UBE2Z: variants seen among roughly 807,000 people sequenced by gnomAD.
The protein encoded by UBE2Z is ubiquitin-conjugating enzyme E2 Z.
UBE2Z carries 10 observed loss-of-function variants against 32.6 expected under a neutral mutation model. The ratio of observed to expected loss-of-function variants is 0.31; its 90% CI spans 0.19 to 0.52. UBE2Z has a LOEUF of 0.52. UBE2Z is among the 20% of genes least tolerant of loss of function. UBE2Z has a pLI of 0.97. For missense variants in UBE2Z, 343 were observed against 480.9 expected, an observed-to-expected ratio of 0.71 and a Z score of 2.68; for synonymous variants, 183 against 190.8, an observed-to-expected ratio of 0.96 and a Z score of 0.34.
chr17:48,913,417 C>T (rs145746119), intron 3 of UBE2Z, among the ~76,000 whole-genome samples: 11 of 152,252 alleles, frequency 7.2e-5, no homozygotes, highest in African/African-American at 2.6e-4. Flanking sequence ...TGCAGTGGCA[C>T]GATCTTGGCT....
In UBE2Z at chr17:48,916,142, C is replaced by A; in HGVS notation, c.645C>A (p.Ser215=). 3 of 1,585,968 alleles carry A rather than the reference C, an allele frequency of 1.9e-6. No individual in the cohort carries two copies. Among genetic ancestry groups the A allele is most frequent in the Non-Finnish European group, 2.6e-6 (3 of 1,168,290 alleles). ...CCTCAGTGCTCATCTCTATCCAGTC[C>A]CTGATGACTGAGAACCCCTATCACA... ...SISSVLISIQ[S]LMTENPYHNE... is the part of the protein sequence containing the mutation. The change falls in exon 4 of 7, where the codon TCC becomes TCA. Residue 215 remains serine (S), a synonymous_variant. Coordinates refer to ENST00000360943, the MANE Select transcript of UBE2Z (RefSeq NM_023079.5).
chr17:48,923,053 G>T, intron 6 of UBE2Z, 116 bp downstream of exon 6: 2 of 934,244 alleles, frequency 2.1e-6, no homozygotes, highest in Non-Finnish European at 3.1e-6. Flanking sequence ...TGGGTTCAGT[G>T]GCTCATGCCT....
chr17:48,918,248 A>ATT (rs1477085608), intron 4 of UBE2Z, among the ~76,000 whole-genome samples: 1 of 152,012 alleles, frequency 6.6e-6, no homozygotes, highest in East Asian at 1.9e-4. Flanking sequence ...AACTTAATTT[A>ATT]TTTTTAAACT....
intron 1 of UBE2Z, among the ~76,000 whole-genome samples, chr17:48,909,210 G>T (rs1431028460): frequency 7.2e-6 from 1 of 138,046 alleles, no homozygotes; most frequent in East Asian, 2.2e-4. Flanking sequence ...AACCTTGCTA[G>T]ATGCTGCCCG....
At chr17:48,914,509 C>T (rs1239365955) in intron 3 of UBE2Z, among the ~76,000 whole-genome samples, 1 of 152,170 alleles carries the variant, frequency 6.6e-6, no homozygotes, top group Non-Finnish European at 1.5e-5. Flanking sequence ...ATTGTCTTTG[C>T]TGGTAGGCTA....
At chr17:48,909,659 C>T (rs1419075189) in intron 1 of UBE2Z, among the ~76,000 whole-genome samples, 1 of 151,168 alleles carries the variant, frequency 6.6e-6, no homozygotes, top group Non-Finnish European at 1.5e-5. Context: ...GGTGACTGAT[C>T]TTAGATCCTA....
rs375930852 is a variant in UBE2Z at position 48,910,900 on chromosome 17, T to C, written c.390+20T>C. On this transcript the variant is annotated intron_variant, in intron 2 of 6. Transcript: ENST00000360943. Reference sequence around the variant, plus strand: ...ACTAAGGTATGTAACTTGATGGGGGTTTGGGGGGTTTTGGGAAATTGGGGG... The same window carrying C: ...ACTAAGGTATGTAACTTGATGGGGGCTTGGGGGGTTTTGGGAAATTGGGGG... 42 of 1,596,204 alleles carry C rather than the reference T, an allele frequency of 2.6e-5. No individual in the cohort carries two copies. In the African/African-American group the frequency reaches 5.4e-4, roughly 21 times the overall value.
At position 48,925,009 on chromosome 17, in the gene UBE2Z, G is replaced by A. The variant is rs551332263; in HGVS notation, c.895-1955G>A. ...AAATGGGATACTCGTGGGGCCTGGC[G>A]CAATGGCTCATGCCTGTGATCCCAG... On this transcript the variant is annotated intron_variant, in intron 6 of 6. Coordinates refer to ENST00000360943, the MANE Select transcript of UBE2Z (RefSeq NM_023079.5). Among the ~76,000 whole-genome samples the A allele has an allele frequency of 2.2e-4, 34 of 151,822 alleles. No homozygotes were observed. The East Asian group carries it at 2.7e-3, about 12-fold the overall frequency.
chr17:48,908,532 C>A lies in UBE2Z; in HGVS notation c.29C>A (p.Ala10Glu). The part of the protein sequence containing the change: MAESPTEEA[A>E]TAGAGAAGPG... ...GCGGAGAGTCCGACTGAGGAGGCGG[C>A]AACGGCGGGCGCCGGGGCGGCGGGC... is the stretch of plus-strand genomic sequence containing the variant. Residue 10 changes from alanine (A) to glutamate (E), a missense_variant, in exon 1 of 7, where the codon GCA (alanine) becomes GAA (glutamate). This residue lies in a region of UBE2Z where 103 missense variants were observed against 96.2 expected (regional missense o/e 1.07). Transcript: ENST00000360943. 1 of 1,235,774 alleles carries A rather than the reference C, an allele frequency of 8.1e-7. No individual in the cohort carries two copies. The allele number at this position is 1,235,774 out of a possible 1,614,324, so 76.6% of individuals were successfully genotyped here. A position where few individuals can be genotyped will look rare whatever the true frequency, so the allele number is the denominator to read the frequency against.
At chr17:48,913,079 A>G in intron 3 of UBE2Z, 58 bp downstream of exon 3, 3 of 1,548,958 alleles carry the variant, frequency 1.9e-6, no homozygotes, top group African/African-American at 1.4e-5. Flanking sequence ...ACTCTAGGTC[A>G]GCCTTTATCA....
chr17:48,919,844 G>T (rs980068000), intron 4 of UBE2Z, among the ~76,000 whole-genome samples: 1 of 152,082 alleles, frequency 6.6e-6, no homozygotes, highest in African/African-American at 2.4e-5. Context: ...CAGGTAAAGG[G>T]GTTAACCAGG....
Position 48,910,689 on chromosome 17 carries a change from C to T in UBE2Z, c.318-119C>T, listed in dbSNP as rs552327740. The T allele has an allele frequency of 1.7e-4, 134 of 790,170 alleles. 1 individual carries two copies. The highest frequency in any genetic ancestry group is 9.7e-4 in the South Asian group (67 of 68,980). 48.9% of individuals were successfully genotyped at this position (790,170 alleles called of 1,614,324 possible). On this transcript the variant is annotated intron_variant, in intron 1 of 6. Coordinates refer to ENST00000360943, the MANE Select transcript of UBE2Z (RefSeq NM_023079.5). The stretch of plus-strand genomic sequence containing the variant: ...AAGACAGTACAAACACTTGCGGTAC[C>T]AAGCACCACTTTCTCAAACCCTGGC...
In UBE2Z at chr17:48,916,145, G is replaced by A. The variant is rs751293965; in HGVS notation, c.648G>A (p.Leu216=). The A allele has an allele frequency of 6.3e-7, 1 of 1,585,296 alleles. No homozygotes were observed. Among genetic ancestry groups the A allele is most frequent in the Non-Finnish European group, 8.6e-7 (1 of 1,167,942 alleles). The change falls in exon 4 of 7, where the codon CTG becomes CTA. Residue 216 remains leucine (L), a synonymous_variant. Coordinates refer to ENST00000360943, the MANE Select transcript of UBE2Z (RefSeq NM_023079.5). ...ISSVLISIQS[L]MTENPYHNEP... is the part of the protein sequence containing the mutation. Reference sequence around the variant, plus strand: ...CAGTGCTCATCTCTATCCAGTCCCTGATGACTGAGAACCCCTATCACAATG... The same window carrying A: ...CAGTGCTCATCTCTATCCAGTCCCTAATGACTGAGAACCCCTATCACAATG...
chr17:48,911,128 C>T (rs2040673854), intron 2 of UBE2Z: 1 of 500,906 alleles, frequency 2.0e-6, no homozygotes, highest in Non-Finnish European at 3.6e-6. Context: ...TCTGTTGTCG[C>T]AGCTTGACTA....
Position 48,927,722 on chromosome 17 carries a change from G to A in UBE2Z, c.*588G>A, listed in dbSNP as rs1419523457. 6.5e-6 allele frequency: 1 copy of A among 153,218 alleles called. No homozygotes were observed. The highest frequency in any genetic ancestry group is 1.5e-5 in the Non-Finnish European group (1 of 68,468). The allele number at this position is 153,218 out of a possible 1,614,324, so 9.5% of individuals were successfully genotyped here. A position where few individuals can be genotyped will look rare whatever the true frequency, so the allele number is the denominator to read the frequency against. On this transcript the variant is annotated 3_prime_UTR_variant, in exon 7 of 7. Transcript: ENST00000360943. ...GTCACTGTTCTAGACAGACCAAAGA[G>A]AAGGAACAGTGGTGGAGTCTAGGCT...
intron 3 of UBE2Z, among the ~76,000 whole-genome samples, chr17:48,915,347 G>C (rs1174227019): frequency 1.3e-5 from 2 of 152,170 alleles, no homozygotes; most frequent in Admixed American, 1.3e-4. Flanking sequence ...GGCTTAGGTT[G>C]TGTTCGGCTT....
At chr17:48,923,947 G>A (rs1204043445) in intron 6 of UBE2Z, among the ~76,000 whole-genome samples, 2 of 152,112 alleles carry the variant, frequency 1.3e-5, no homozygotes, top group African/African-American at 4.8e-5. Context: ...GCTCAGGCTA[G>A]AGCAATCTCA....
chr17:48,921,063 G>C lies in UBE2Z; in HGVS notation c.691-97G>C, dbSNP rs1373080941. On this transcript the variant is annotated intron_variant, in intron 4 of 6. Coordinates refer to ENST00000360943, the MANE Select transcript of UBE2Z (RefSeq NM_023079.5). ...GGAAAGGTATCTTTTTAGTTTGTGT[G>C]ACTGGCTGACATACCCCATACTAAT... 4.3e-6 allele frequency: 4 copies of C among 926,268 alleles called. No homozygotes were observed. The African/African-American group carries it at 4.9e-5, about 11-fold the overall frequency. The allele number at this position is 926,268 out of a possible 1,614,324, so 57.4% of individuals were successfully genotyped here.
intron 5 of UBE2Z, among the ~76,000 whole-genome samples, chr17:48,921,507 C>T (rs918610992): frequency 6.6e-6 from 1 of 152,152 alleles, no homozygotes; most frequent in Admixed American, 6.5e-5. Flanking sequence ...AGGGAGCTTC[C>T]AGTTTGATGA....
Sources: gnomAD v4.1 joint callset for allele counts (sites outside exome capture counted in the v4.1 genomes callset) on GRCh38, gnomAD v4.1.1 for gene constraint, gnomAD v4.1.1 regional missense constraint, MANE v1.5 for transcripts, NCBI Gene and HGNC (gene_info 2026-07-23, HGNC 2026-07-21) for gene names.